Variants in CRPPA observed in about 807,000 individuals in gnomAD.
CRPPA encodes D-ribitol-5-phosphate cytidylyltransferase.
A neutral mutation model predicts 52.0 loss-of-function variants in CRPPA; 43 were observed. That is an observed-to-expected ratio of 0.83 (90% CI 0.65 to 1.07). CRPPA has a LOEUF of 1.07. Ranked by LOEUF, CRPPA falls within the 50% of genes least tolerant of loss-of-function variation. The pLI is 0.00. For missense variants in CRPPA, 629 were observed against 551.7 expected, an observed-to-expected ratio of 1.14 and a Z score of -1.40; for synonymous variants, 250 against 203.5, an observed-to-expected ratio of 1.23 and a Z score of -1.94.
chr7:16,243,221 G>A (rs572587841), intron 8 of CRPPA, among the ~76,000 whole-genome samples: 3 of 152,190 alleles, frequency 2.0e-5, no homozygotes, highest in East Asian at 3.9e-4. Flanking sequence ...CTCACCTGTC[G>A]CCTTTTGAAG....
At chr7:16,324,342 C>T (rs1785330083) in intron 3 of CRPPA, among the ~76,000 whole-genome samples, 2 of 152,216 alleles carry the variant, frequency 1.3e-5, no homozygotes, top group Admixed American at 1.3e-4. Context: ...GAAAACAAAC[C>T]TCCTCAGCAT....
At position 16,257,075 on chromosome 7, in the gene CRPPA, T is replaced by G. The variant is rs1003581765; in HGVS notation, c.1119+1315A>C. ...CAGGGCCTAGCAGTGTGCTAGAAAC[T>G]ACATTTTGCATTCATTCACTTTCAT... On this transcript the variant is annotated intron_variant, in intron 8 of 9. Transcript: ENST00000407010. Among the ~76,000 whole-genome samples the G allele has an allele frequency of 2.6e-5, 4 of 152,054 alleles. No individual in the cohort carries two copies. The South Asian group carries it at 6.2e-4, about 24-fold the overall frequency.
intron 3 of CRPPA, among the ~76,000 whole-genome samples, chr7:16,323,665 C>T (rs1785313566): frequency 6.6e-6 from 1 of 152,144 alleles, no homozygotes; most frequent in Non-Finnish European, 1.5e-5. Context: ...TTATTACATA[C>T]CTTTTGTGTA....
intron 9 of CRPPA, among the ~76,000 whole-genome samples, chr7:16,117,311 G>A (rs184709876): frequency 2.0e-5 from 3 of 152,276 alleles, no homozygotes; most frequent in African/African-American, 7.2e-5. Flanking sequence ...TCAGGGGTGA[G>A]TTCTCTTTGG....
intron 5 of CRPPA, among the ~76,000 whole-genome samples, chr7:16,289,596 T>C (rs1050515487): frequency 2.0e-5 from 3 of 152,118 alleles, no homozygotes; most frequent in Non-Finnish European, 4.4e-5. Flanking sequence ...ATCCTCTTAA[T>C]AGACATAGAA....
intron 9 of CRPPA, among the ~76,000 whole-genome samples, chr7:16,151,665 A>T (rs1323930805): frequency 6.6e-6 from 1 of 152,106 alleles, no homozygotes; most frequent in Non-Finnish European, 1.5e-5. Context: ...TACGCTTTCT[A>T]TTAATATATT....
At chr7:16,376,618 C>T (rs1786895804) in intron 2 of CRPPA, among the ~76,000 whole-genome samples, 1 of 152,068 alleles carries the variant, frequency 6.6e-6, no homozygotes, top group Non-Finnish European at 1.5e-5. Flanking sequence ...TATTAGTATA[C>T]CCTCAGGAGA....
chr7:16,295,102 T>C lies in CRPPA; in HGVS notation c.835+6319A>G, dbSNP rs142732107. ...CATTGCAGTCAATGCCAATTAAAAGTATATTTAGCTACTTTCAATGTATAA... is the reference window on the plus strand; with the variant it reads ...CATTGCAGTCAATGCCAATTAAAAGCATATTTAGCTACTTTCAATGTATAA... On this transcript the variant is annotated intron_variant, in intron 5 of 9. Coordinates refer to ENST00000407010, the MANE Select transcript of CRPPA (RefSeq NM_001101426.4). Among the ~76,000 whole-genome samples the C allele has an allele frequency of 6.2e-4, 95 of 152,226 alleles. 1 individual carries two copies. The highest frequency in any genetic ancestry group is 2.3e-3 in the African/African-American group (94 of 41,566).
chr7:16,277,614 T>C (rs1318873596), intron 6 of CRPPA, among the ~76,000 whole-genome samples: 1 of 152,210 alleles, frequency 6.6e-6, no homozygotes, highest in Non-Finnish European at 1.5e-5. Context: ...AAAGAGTTCC[T>C]ATAGACACCC....
At chr7:16,261,258 T>G (rs1783788769) in intron 6 of CRPPA, among the ~76,000 whole-genome samples, 1 of 152,098 alleles carries the variant, frequency 6.6e-6, no homozygotes, top group Non-Finnish European at 1.5e-5. Flanking sequence ...AAGTTTAATT[T>G]CTAAAGGTTA....
At chr7:16,411,507 T>G (rs1562691340) in intron 1 of CRPPA, among the ~76,000 whole-genome samples, 1 of 151,908 alleles carries the variant, frequency 6.6e-6, no homozygotes, top group Non-Finnish European at 1.5e-5. Flanking sequence ...AAGTAGGCAT[T>G]CTTTCATGTG....
intron 1 of CRPPA, among the ~76,000 whole-genome samples, chr7:16,408,787 T>C (rs1406967915): frequency 2.6e-5 from 4 of 152,156 alleles, no homozygotes; most frequent in Non-Finnish European, 5.9e-5. Context: ...TCCAACGTAA[T>C]CACAAGAGTC....
intron 6 of CRPPA, among the ~76,000 whole-genome samples, chr7:16,274,402 T>C (rs1383201892): frequency 6.6e-6 from 1 of 152,092 alleles, no homozygotes; most frequent in East Asian, 1.9e-4. Flanking sequence ...GCATAACAGG[T>C]TTTTAAACTT....
intron 3 of CRPPA, among the ~76,000 whole-genome samples, chr7:16,364,864 G>A (rs1461921166): frequency 1.3e-5 from 2 of 152,084 alleles, no homozygotes; most frequent in African/African-American, 4.8e-5. Flanking sequence ...TTGTTGACGT[G>A]TCTCCCAGAC....
chr7:16,360,102 G>A (rs12533801), intron 3 of CRPPA, among the ~76,000 whole-genome samples: 16,208 of 152,208 alleles, frequency 0.11, 1,104 homozygotes, highest in East Asian at 0.36. Flanking sequence ...AGATGTTCAC[G>A]TCTTGTTAAG....
chr7:16,283,334 A>G (rs1323635472), intron 5 of CRPPA, among the ~76,000 whole-genome samples: 2 of 150,586 alleles, frequency 1.3e-5, no homozygotes, highest in Non-Finnish European at 3.0e-5. Flanking sequence ...TTTATATGTT[A>G]TGAAAGTTAT....
At chr7:16,368,054 G>A (rs1428043747) in intron 3 of CRPPA, among the ~76,000 whole-genome samples, 1 of 152,030 alleles carries the variant, frequency 6.6e-6, no homozygotes, top group Non-Finnish European at 1.5e-5. Flanking sequence ...TAGAATCAAG[G>A]CCAGGTCTCT....
chr7:16,385,647 C>G (rs1290951863), intron 2 of CRPPA, among the ~76,000 whole-genome samples: 1 of 152,106 alleles, frequency 6.6e-6, no homozygotes, highest in Non-Finnish European at 1.5e-5. Context: ...CATTTGAAGA[C>G]AGTAATTCTA....
chr7:16,346,063 T>A (rs1259512761), intron 3 of CRPPA, among the ~76,000 whole-genome samples: 1 of 152,190 alleles, frequency 6.6e-6, no homozygotes, highest in East Asian at 1.9e-4. Context: ...GATAATTTTA[T>A]CTCAAATATA....
Sources: gnomAD v4.1 joint callset for allele counts (sites outside exome capture counted in the v4.1 genomes callset) on GRCh38, gnomAD v4.1.1 for gene constraint, MANE v1.5 for transcripts, NCBI Gene and HGNC (gene_info 2026-07-23, HGNC 2026-07-21) for gene names.